Variants in MACROD2 observed in about 807,000 individuals in gnomAD.
MACROD2 encodes ADP-ribose glycohydrolase MACROD2.
MACROD2 carries 36 observed loss-of-function variants against 70.4 expected under a neutral mutation model. That is an observed-to-expected ratio of 0.51 (90% CI 0.39 to 0.68). The LOEUF is 0.68. Ranked by LOEUF, MACROD2 falls within the 30% of genes least tolerant of loss-of-function variation. The pLI is 0.00. For missense variants in MACROD2, 496 were observed against 538.4 expected (o/e 0.92, Z 0.78); for synonymous variants, 172 against 178.8 (o/e 0.96, Z 0.30).
chr20:15,774,102 G>T (rs1169803733), intron 8 of MACROD2, among the ~76,000 whole-genome samples: 1 of 152,104 alleles, frequency 6.6e-6, no homozygotes, highest in Admixed American at 6.5e-5. Flanking sequence ...TCCCTTGGAG[G>T]TCAAAGGATT....
chr20:14,204,011 AC>A (rs922771578), intron 3 of MACROD2, among the ~76,000 whole-genome samples: 3 of 151,902 alleles, frequency 2.0e-5, no homozygotes, highest in African/African-American at 7.3e-5. Context: ...TGGCAGCTTA[AC>A]CCTTGGGCCC....
At chr20:15,818,762 T>C (rs2147098919) in intron 8 of MACROD2, among the ~76,000 whole-genome samples, 1 of 152,342 alleles carries the variant, frequency 6.6e-6, no homozygotes, top group Non-Finnish European at 1.5e-5. Flanking sequence ...ATCCTGCTGA[T>C]ATGCTCCTGG....
chr20:15,771,673 T>C (rs1005530190), intron 8 of MACROD2, among the ~76,000 whole-genome samples: 3 of 152,102 alleles, frequency 2.0e-5, no homozygotes, highest in South Asian at 2.1e-4. Context: ...TATGTCTGGG[T>C]AAAACAAAGC....
intron 5 of MACROD2, among the ~76,000 whole-genome samples, chr20:15,046,743 C>T (rs535607063): frequency 2.0e-5 from 3 of 152,316 alleles, no homozygotes; most frequent in African/African-American, 7.2e-5. Flanking sequence ...CACTTCTGGA[C>T]TATCACAACA....
intron 5 of MACROD2, among the ~76,000 whole-genome samples, chr20:15,017,955 G>A (rs1027262802): frequency 5.9e-5 from 9 of 152,310 alleles, no homozygotes; most frequent in African/African-American, 2.2e-4. Context: ...GGGCTGCTGG[G>A]AAGTTCTCTG....
intron 8 of MACROD2, among the ~76,000 whole-genome samples, chr20:15,788,467 G>C (rs1342642467): frequency 7.0e-6 from 1 of 143,794 alleles, no homozygotes; most frequent in African/African-American, 3.0e-5. Context: ...ATTGAGTTAT[G>C]ACATGAGTTT....
At chr20:14,237,175 T>G (rs189432313) in intron 3 of MACROD2, among the ~76,000 whole-genome samples, 12 of 152,282 alleles carry the variant, frequency 7.9e-5, no homozygotes, top group Non-Finnish European at 1.5e-4. Context: ...CTCTCATATC[T>G]CTCTGATAGC....
At chr20:15,728,859 A>G (rs2423982) in intron 8 of MACROD2, among the ~76,000 whole-genome samples, 97,504 of 151,590 alleles carry the variant, frequency 0.64, 34,337 homozygotes, top group Non-Finnish European at 0.8. Flanking sequence ...ATTCTTTTCT[A>G]TGTTTTTTTG....
intron 6 of MACROD2, among the ~76,000 whole-genome samples, chr20:15,401,451 C>A (rs987875832): frequency 6.6e-6 from 1 of 152,150 alleles, no homozygotes; most frequent in Non-Finnish European, 1.5e-5. Context: ...CCTCCAAGGA[C>A]AAGGGCCCTT....
chr20:15,909,546 C>T (rs866332284), intron 10 of MACROD2, among the ~76,000 whole-genome samples: 5 of 96,032 alleles, frequency 5.2e-5, no homozygotes, highest in East Asian at 7.1e-4. Context: ...TTTTTTGAGA[C>T]GGAGTCTCTC....
At chr20:14,035,541 A>G (rs1382226751) in intron 2 of MACROD2, among the ~76,000 whole-genome samples, 2 of 152,224 alleles carry the variant, frequency 1.3e-5, no homozygotes, top group Non-Finnish European at 2.9e-5. Flanking sequence ...GTAAAATATC[A>G]GAGCCCACAT....
chr20:15,006,139 A>ATGTGTGTGTG (rs1254410663), intron 5 of MACROD2, among the ~76,000 whole-genome samples: 19 of 95,016 alleles, frequency 2.0e-4, no homozygotes, highest in African/African-American at 7.2e-4. Flanking sequence ...TTATATATAT[A>ATGTGTGTGTG]TATGTGTGTG....
chr20:15,337,087 TA>T (rs2078056885), intron 6 of MACROD2, among the ~76,000 whole-genome samples: 1 of 151,828 alleles, frequency 6.6e-6, no homozygotes, highest in Admixed American at 6.6e-5. Context: ...GTCCTATCAA[TA>T]TTGTACCGTT....
chr20:14,471,345 G>A (rs1294528964), intron 3 of MACROD2, among the ~76,000 whole-genome samples: 3 of 152,218 alleles, frequency 2.0e-5, no homozygotes, highest in Admixed American at 6.5e-5. Flanking sequence ...ACTGGGAGAT[G>A]TAGACCGGAG....
chr20:15,056,283 G>C (rs1027309284), intron 5 of MACROD2, among the ~76,000 whole-genome samples: 3 of 152,234 alleles, frequency 2.0e-5, no homozygotes, highest in Non-Finnish European at 4.4e-5. Flanking sequence ...ACTTCGCCTC[G>C]TCCTGGCTAT....
At chr20:15,224,710 C>T (rs550630823) in intron 5 of MACROD2, among the ~76,000 whole-genome samples, 2 of 152,128 alleles carry the variant, frequency 1.3e-5, no homozygotes, top group African/African-American at 4.8e-5. Context: ...TTTGGGAGAC[C>T]AAGGTGGGTG....
intron 3 of MACROD2, among the ~76,000 whole-genome samples, chr20:14,088,158 G>A (rs1265092826): frequency 2.6e-5 from 4 of 151,630 alleles, no homozygotes; most frequent in Non-Finnish European, 4.4e-5. Flanking sequence ...GTGAAACCCC[G>A]TCTCTACCAA....
intron 5 of MACROD2, among the ~76,000 whole-genome samples, chr20:14,908,118 C>T (rs188612039): frequency 1.3e-5 from 2 of 151,958 alleles, no homozygotes; most frequent in Admixed American, 1.3e-4. Context: ...CCGAGACAGG[C>T]GGATCACCCG....
chr20:15,336,220 T>C (rs958675165), intron 6 of MACROD2, among the ~76,000 whole-genome samples: 2 of 151,502 alleles, frequency 1.3e-5, no homozygotes, highest in Non-Finnish European at 2.9e-5. Context: ...TCATTGTAAT[T>C]TCCCCCGCAG....
Sources: allele counts gnomAD v4.1 joint callset (sites outside exome capture counted in the v4.1 genomes callset), GRCh38; gene constraint gnomAD v4.1.1; transcripts MANE v1.5; gene names NCBI Gene and HGNC (gene_info 2026-07-23, HGNC 2026-07-21).